Variants in ATP10B observed in about 807,000 individuals in gnomAD.
The protein encoded by ATP10B is ATPase phospholipid transporting 10B (putative), also known as phospholipid-transporting ATPase VB.
Under a neutral mutation model 141.2 loss-of-function variants are expected in ATP10B, and 122 were observed. The observed-to-expected ratio is 0.86, with a 90% CI of 0.75 to 1.00. The LOEUF is 1.00. ATP10B is among the 50% of genes least tolerant of loss of function. The pLI is 0.00. For synonymous variants in ATP10B, 685 were observed against 692.0 expected, an observed-to-expected ratio of 0.99 and a Z score of 0.16; for missense variants, 1,876 against 1,825.3, an observed-to-expected ratio of 1.03 and a Z score of -0.51.
intron 6 of ATP10B, among the ~76,000 whole-genome samples, chr5:160,671,182 A>AC (rs1561732919): frequency 1.3e-5 from 2 of 150,992 alleles, no homozygotes; most frequent in Non-Finnish European, 1.5e-5. Flanking sequence ...AAAAAAAAAA[A>AC]AAAAAAAAAA....
chr5:160,899,981 G>C, the ATP10B span, among the ~76,000 whole-genome samples: 1 of 152,210 alleles, frequency 6.6e-6, no homozygotes, highest in African/African-American at 2.4e-5. Flanking sequence ...TCCAAGGGAA[G>C]CCTTCCAGCC....
chr5:160,816,432 C>A (rs1472305543), intron 1 of ATP10B, among the ~76,000 whole-genome samples: 3 of 152,058 alleles, frequency 2.0e-5, no homozygotes, highest in Non-Finnish European at 4.4e-5. Context: ...GACACATACA[C>A]CCTCCCATGA....
chr5:160,820,693 A>G (rs1441859887), intron 1 of ATP10B, among the ~76,000 whole-genome samples: 2 of 152,198 alleles, frequency 1.3e-5, no homozygotes, highest in African/African-American at 4.8e-5. Context: ...ATCATTCATC[A>G]TGACCAAGTG....
intron 1 of ATP10B, among the ~76,000 whole-genome samples, chr5:160,841,754 T>C (rs1418001836): frequency 6.6e-6 from 1 of 152,202 alleles, no homozygotes; most frequent in African/African-American, 2.4e-5. Context: ...TAAAGAAGTC[T>C]TGCTCTGTCA....
chr5:160,831,268 A>G (rs1775063225), intron 1 of ATP10B, among the ~76,000 whole-genome samples: 1 of 151,988 alleles, frequency 6.6e-6, no homozygotes, highest in African/African-American at 2.4e-5. Flanking sequence ...TTCTTAATTA[A>G]TGGTGACTCT....
chr5:160,898,798 T>C, the ATP10B span, among the ~76,000 whole-genome samples: 3 of 152,150 alleles, frequency 2.0e-5, no homozygotes, highest in Non-Finnish European at 4.4e-5. Context: ...ATATACACCA[T>C]GGAATACCAT....
intron 2 of ATP10B, among the ~76,000 whole-genome samples, chr5:160,779,216 C>T (rs1184605878): frequency 2.0e-5 from 3 of 152,160 alleles, no homozygotes; most frequent in Non-Finnish European, 4.4e-5. Context: ...ATACTTATTG[C>T]AGCATTGTAT....
the ATP10B span, among the ~76,000 whole-genome samples, chr5:160,877,000 A>G: frequency 6.7e-6 from 1 of 150,130 alleles, no homozygotes; most frequent in Non-Finnish European, 1.5e-5. Context: ...ATTCCAATCA[A>G]CAGAAAAAGA....
chr5:160,810,308 T>C (rs1292437496), intron 1 of ATP10B, among the ~76,000 whole-genome samples: 3 of 152,168 alleles, frequency 2.0e-5, no homozygotes, highest in African/African-American at 4.8e-5. Context: ...TTTTCATTTT[T>C]TGTGCTAAAT....
At chr5:160,840,280 A>C (rs1321565435) in intron 1 of ATP10B, among the ~76,000 whole-genome samples, 1 of 152,104 alleles carries the variant, frequency 6.6e-6, no homozygotes, top group Non-Finnish European at 1.5e-5. Context: ...ATGCATAAGA[A>C]TAGGTAGAAA....
the ATP10B span, among the ~76,000 whole-genome samples, chr5:160,885,214 G>A: frequency 6.6e-5 from 10 of 152,366 alleles, no homozygotes; most frequent in Admixed American, 3.3e-4. Context: ...CTGATGAGCT[G>A]AGAGGGAGAA....
At chr5:160,901,171 C>T in the ATP10B span, among the ~76,000 whole-genome samples, 1 of 152,102 alleles carries the variant, frequency 6.6e-6, no homozygotes, top group Admixed American at 6.6e-5. Context: ...GCGAACTTCA[C>T]ACCAAAGCCA....
chr5:160,629,424 G>T (rs1758789955), intron 13 of ATP10B, among the ~76,000 whole-genome samples: 1 of 152,232 alleles, frequency 6.6e-6, no homozygotes, highest in Non-Finnish European at 1.5e-5. Context: ...TCCTGGTGGG[G>T]TGATGGCCTG....
chr5:160,920,456 T>A, the ATP10B span, among the ~76,000 whole-genome samples: 1 of 152,240 alleles, frequency 6.6e-6, no homozygotes, highest in Admixed American at 6.5e-5. Context: ...TTCTCAGCAT[T>A]CATGAGCTCT....
the ATP10B span, among the ~76,000 whole-genome samples, chr5:160,868,546 A>G: frequency 6.6e-6 from 1 of 151,408 alleles, no homozygotes; most frequent in Non-Finnish European, 1.5e-5. Context: ...ACACACACAC[A>G]CACACACACA....
intron 3 of ATP10B, among the ~76,000 whole-genome samples, chr5:160,691,516 T>C (rs1477383035): frequency 6.6e-6 from 1 of 152,198 alleles, no homozygotes; most frequent in Non-Finnish European, 1.5e-5. Flanking sequence ...TTAGAAGTTG[T>C]ATATAATGGT....
At chr5:160,896,845 C>T in the ATP10B span, among the ~76,000 whole-genome samples, 92 of 152,280 alleles carry the variant, frequency 6.0e-4, no homozygotes, top group Middle Eastern at 3.4e-3. Flanking sequence ...TTATTCACCA[C>T]GATCAAGTTG....
chr5:160,788,696 T>A (rs905914243), intron 1 of ATP10B, among the ~76,000 whole-genome samples: 3 of 151,460 alleles, frequency 2.0e-5, no homozygotes, highest in African/African-American at 7.2e-5. Flanking sequence ...TTCTAATTTT[T>A]CTTCTCCTTT....
At chr5:160,605,675 A>G (rs1050134651) in intron 19 of ATP10B, among the ~76,000 whole-genome samples, 3 of 152,230 alleles carry the variant, frequency 2.0e-5, no homozygotes, top group African/African-American at 7.2e-5. Flanking sequence ...ATCACGTTTA[A>G]TAGGGTTTCT....
Sources: gnomAD v4.1 joint callset for allele counts (sites outside exome capture counted in the v4.1 genomes callset) on GRCh38, gnomAD v4.1.1 for gene constraint, MANE v1.5 for transcripts, NCBI Gene and HGNC (gene_info 2026-07-23, HGNC 2026-07-21) for gene names.